The following LNX1 variants were observed in gnomAD, a reference collection of about 807,000 sequenced individuals.
LNX1 encodes E3 ubiquitin-protein ligase LNX.
LNX1 carries 54 observed loss-of-function variants against 68.4 expected under a neutral mutation model. That is an observed-to-expected ratio of 0.79 (90% confidence interval 0.63 to 0.99). The LOEUF is 0.99. Among genes scored for constraint, LNX1 ranks in the 50% least tolerant of loss-of-function variants. LNX1 has a pLI of 0.00. For missense variants in LNX1, 906 were observed against 926.4 expected, an observed-to-expected ratio of 0.98 and a Z score of 0.29; for synonymous variants, 336 against 350.0, an observed-to-expected ratio of 0.96 and a Z score of 0.45.
chr4:53,566,330 TG>T (rs1286008975), intron 2 of LNX1, among the ~76,000 whole-genome samples: 1 of 150,592 alleles, frequency 6.6e-6, no homozygotes, highest in African/African-American at 2.5e-5. Context: ...CAGAAGAGAG[TG>T]GGGGCCAATA....
intron 2 of LNX1, 90 bp downstream of exon 2, chr4:53,573,533 G>T: frequency 2.6e-6 from 2 of 777,878 alleles, no homozygotes; most frequent in South Asian, 1.8e-5. Context: ...TCATTTCATT[G>T]GTTGGAAGCC....
chr4:53,643,073 C>T (rs1333561686), intron 1 of LNX1, among the ~76,000 whole-genome samples: 1 of 152,160 alleles, frequency 6.6e-6, no homozygotes, highest in Non-Finnish European at 1.5e-5. Flanking sequence ...GAACATTCTA[C>T]AATGCACAAG....
At chr4:53,564,702 CGG>C (rs1730524813) in intron 2 of LNX1, among the ~76,000 whole-genome samples, 1 of 151,974 alleles carries the variant, frequency 6.6e-6, no homozygotes, top group Non-Finnish European at 1.5e-5. Context: ...ACACAGAAGA[CGG>C]GTGATTTCTG....
chr4:53,470,331 G>A (rs1723060951), intron 9 of LNX1, among the ~76,000 whole-genome samples: 1 of 152,132 alleles, frequency 6.6e-6, no homozygotes, highest in South Asian at 2.1e-4. Flanking sequence ...GTATTGATGG[G>A]ACGTATCTCA....
At chr4:53,600,040 A>T (rs1234369350) in intron 2 of LNX1, among the ~76,000 whole-genome samples, 1 of 152,156 alleles carries the variant, frequency 6.6e-6, no homozygotes, top group Non-Finnish European at 1.5e-5. Flanking sequence ...TAACCTTTTT[A>T]AAAAGGCCCC....
At chr4:53,543,755 A>G (rs78433571) in intron 2 of LNX1, among the ~76,000 whole-genome samples, 1 of 152,330 alleles carries the variant, frequency 6.6e-6, no homozygotes, top group East Asian at 1.9e-4. Flanking sequence ...CTCCTTTGAG[A>G]TCCATATGCC....
At chr4:53,512,724 G>A (rs4864775) in intron 2 of LNX1, among the ~76,000 whole-genome samples, 146,129 of 152,232 alleles carry the variant, frequency 0.96, 70,422 homozygotes, top group East Asian at 1. Context: ...TTCAGGCAGC[G>A]AGAATCAAGA....
At chr4:53,622,720 C>T (rs1012223975) in intron 1 of LNX1, among the ~76,000 whole-genome samples, 3 of 152,084 alleles carry the variant, frequency 2.0e-5, no homozygotes, top group Non-Finnish European at 2.9e-5. Flanking sequence ...CAAGATAGCC[C>T]TAACACAGTG....
intron 2 of LNX1, among the ~76,000 whole-genome samples, chr4:53,531,539 A>G (rs1453900882): frequency 6.6e-6 from 1 of 152,210 alleles, no homozygotes; most frequent in Non-Finnish European, 1.5e-5. Context: ...TTTAGTTTTC[A>G]AAATGTTTTT....
intron 2 of LNX1, among the ~76,000 whole-genome samples, chr4:53,512,206 G>T (rs1321017804): frequency 7.2e-6 from 1 of 139,170 alleles, no homozygotes; most frequent in Non-Finnish European, 1.5e-5. Flanking sequence ...AAAAAGGCTG[G>T]CCCAGTGTCC....
chr4:53,651,823 G>C (rs1157556737), intron 1 of LNX1, among the ~76,000 whole-genome samples: 1 of 152,170 alleles, frequency 6.6e-6, no homozygotes, highest in Non-Finnish European at 1.5e-5. Context: ...GTTACTGTTA[G>C]TGGGAATACT....
chr4:53,576,201 C>G, intron 1 of LNX1: 1 of 1,590,656 alleles, frequency 6.3e-7, no homozygotes, highest in Non-Finnish European at 8.6e-7. Context: ...ATGTGACAAT[C>G]TCCACCAGTG....
intron 1 of LNX1, 21 bp from the exon 2 acceptor site, chr4:53,574,109 T>TC: frequency 1.4e-6 from 2 of 1,447,474 alleles, no homozygotes; most frequent in Non-Finnish European, 1.8e-6. Flanking sequence ...ACAAGAAGGC[T>TC]CACCTTTGCT....
intron 2 of LNX1, among the ~76,000 whole-genome samples, chr4:53,530,928 C>T (rs562891321): frequency 6.6e-6 from 1 of 152,212 alleles, no homozygotes; most frequent in African/African-American, 2.4e-5. Flanking sequence ...CCCTGGGAGG[C>T]TTAGGCAGGA....
At chr4:53,517,048 G>T (rs1579453628) in intron 2 of LNX1, among the ~76,000 whole-genome samples, 1 of 152,150 alleles carries the variant, frequency 6.6e-6, no homozygotes, top group Non-Finnish European at 1.5e-5. Context: ...GGGAGTAAAC[G>T]TCCTGCTTTT....
At chr4:53,607,742 C>G (rs1485664532) in intron 2 of LNX1, among the ~76,000 whole-genome samples, 1 of 152,134 alleles carries the variant, frequency 6.6e-6, no homozygotes, top group Non-Finnish European at 1.5e-5. Flanking sequence ...GCCATAATAG[C>G]CAAACAGCAT....
intron 2 of LNX1, among the ~76,000 whole-genome samples, chr4:53,566,084 A>C (rs1730665730): frequency 6.6e-6 from 1 of 151,912 alleles, no homozygotes; most frequent in East Asian, 1.9e-4. Context: ...GCAGGATATT[A>C]TCCAGGAGAA....
intron 2 of LNX1, among the ~76,000 whole-genome samples, chr4:53,540,202 C>A (rs182718421): frequency 1.3e-5 from 2 of 151,858 alleles, no homozygotes; most frequent in Non-Finnish European, 2.9e-5. Context: ...GACAACATGG[C>A]AAAACCCTGT....
At chr4:53,649,719 C>T (rs1373912458) in intron 1 of LNX1, among the ~76,000 whole-genome samples, 1 of 152,192 alleles carries the variant, frequency 6.6e-6, no homozygotes, top group African/African-American at 2.4e-5. Flanking sequence ...TGGGCATCTC[C>T]TCTGTGCCCA....
Sources: allele counts gnomAD v4.1 joint callset (sites outside exome capture counted in the v4.1 genomes callset), GRCh38; gene constraint gnomAD v4.1.1; transcripts MANE v1.5; gene names NCBI Gene and HGNC (gene_info 2026-07-23, HGNC 2026-07-21).